The following ANAPC1 variants were observed in gnomAD, a reference collection of about 807,000 sequenced individuals.
ANAPC1 encodes the protein anaphase promoting complex subunit 1.
A neutral mutation model predicts 208.0 loss-of-function variants in ANAPC1; 36 were observed. That is an observed-to-expected ratio of 0.17 (90% CI 0.13 to 0.23). The LOEUF (loss-of-function observed/expected upper bound fraction) is 0.23. Ranked by LOEUF, ANAPC1 falls within the 10% of genes least tolerant of loss-of-function variation. The pLI, the probability that ANAPC1 is intolerant of heterozygous loss-of-function variation, is 1.00. For synonymous variants in ANAPC1, 378 were observed against 695.2 expected (o/e 0.54, Z 7.18); for missense variants, 942 against 2,011.6 (o/e 0.47, Z 10.17).
At chr2:111,866,756 A>T (rs1682441954) in intron 7 of ANAPC1, among the ~76,000 whole-genome samples, 1 of 151,766 alleles carries the variant, frequency 6.6e-6, no homozygotes, top group Non-Finnish European at 1.5e-5. Flanking sequence ...AAACGACTAA[A>T]AACAGACTAT....
chr2:111,787,113 C>A lies in ANAPC1; in HGVS notation c.4799+1121G>T, dbSNP rs1159655724. On this transcript the variant is annotated intron_variant, in intron 39 of 47. Transcript: ENST00000341068. Reference sequence around the variant, plus strand: ...GCAGTGACCCGAGATCACGCCACTGCACTTCAGCCTGGGCGACAGAGCGAG... The same window carrying A: ...GCAGTGACCCGAGATCACGCCACTGAACTTCAGCCTGGGCGACAGAGCGAG... Among the ~76,000 whole-genome samples, 5 of 142,012 alleles carry A rather than the reference C, an allele frequency of 3.5e-5. No individual in the cohort carries two copies. The Admixed American group carries it at 3.6e-4, about 10-fold the overall frequency. 93.2% of individuals were successfully genotyped at this position (142,012 alleles called of 152,430 possible).
chr2:111,793,089 C>T (rs1677976892), intron 37 of ANAPC1, among the ~76,000 whole-genome samples: 1 of 152,060 alleles, frequency 6.6e-6, no homozygotes, highest in African/African-American at 2.4e-5. Context: ...CTGGTGTTAA[C>T]GTTTTGGCTT....
intron 3 of ANAPC1, among the ~76,000 whole-genome samples, chr2:111,878,197 T>C (rs1683113278): frequency 6.6e-6 from 1 of 152,162 alleles, no homozygotes; most frequent in Non-Finnish European, 1.5e-5. Flanking sequence ...GAATCAATTA[T>C]TGCACTGGAG....
chr2:111,840,093 A>G (rs896515932), intron 17 of ANAPC1, among the ~76,000 whole-genome samples: 6 of 152,204 alleles, frequency 3.9e-5, no homozygotes, highest in African/African-American at 1.2e-4. Flanking sequence ...TTATCTAAGG[A>G]AAAAAACAGC....
chr2:111,794,888 T>C lies in ANAPC1; in HGVS notation c.4303A>G (p.Arg1435Gly), dbSNP rs1209904828. The change falls in exon 35 of 48, where the codon AGA (arginine) becomes GGA (glycine). Residue 1435 changes from arginine (R) to glycine (G), a missense_variant. Arg to Gly is a moderately radical substitution (Grantham distance 125, BLOSUM62 -2). Transcript: ENST00000341068. Reference protein sequence around the residue: ...WVDSNVPQIIRENSISLSEIE... With the variant: ...WVDSNVPQIIGENSISLSEIE... ...TCACTGAGAGAGATACTATTTTCTC[T>C]TATAATCTGTCAATATAGAAAGCAA... 3 of 1,335,432 alleles carry C rather than the reference T, an allele frequency of 2.2e-6. No homozygotes were observed. The highest frequency in any genetic ancestry group is 2.1e-6 in the Non-Finnish European group (2 of 957,398). 82.7% of individuals were successfully genotyped at this position (1,335,432 alleles called of 1,614,324 possible).
chr2:111,837,889 A>G (rs1358284692), intron 18 of ANAPC1, among the ~76,000 whole-genome samples: 1 of 152,112 alleles, frequency 6.6e-6, no homozygotes, highest in Non-Finnish European at 1.5e-5. Flanking sequence ...GTTCGAGACC[A>G]GCCTGGCCAA....
chr2:111,875,024 G>A (rs1682949583), intron 3 of ANAPC1, among the ~76,000 whole-genome samples: 1 of 152,182 alleles, frequency 6.6e-6, no homozygotes, highest in Non-Finnish European at 1.5e-5. Context: ...CTTTTCCACA[G>A]CAGCTATGTT....
chr2:111,831,634 T>A (rs1680137329), intron 20 of ANAPC1, among the ~76,000 whole-genome samples, 200 bp from the exon 21 acceptor site: 1 of 151,586 alleles, frequency 6.6e-6, no homozygotes, highest in Non-Finnish European at 1.5e-5. Flanking sequence ...GGTCAGGAGT[T>A]AAGGACAGCC....
intron 34 of ANAPC1, among the ~76,000 whole-genome samples, chr2:111,800,239 TGA>T (rs902711977): frequency 2.7e-5 from 4 of 146,462 alleles, no homozygotes; most frequent in African/African-American, 1.0e-4. Context: ...ATTTTTCTTC[TGA>T]AAATACTGAA....
downstream of ANAPC1, chr2:111,766,896 A>G (rs1330820766): frequency 8.5e-6 from 4 of 469,132 alleles, no homozygotes; most frequent in African/African-American, 6.0e-5. Flanking sequence ...GTTACTAGAC[A>G]AAGGGTGAGA....
At chr2:111,874,757 T>C (rs1270251975) in intron 3 of ANAPC1, among the ~76,000 whole-genome samples, 1 of 152,248 alleles carries the variant, frequency 6.6e-6, no homozygotes, top group East Asian at 1.9e-4. Flanking sequence ...TGAATCCCTG[T>C]TCTCAATTCA....
chr2:111,782,617 A>T, intron 42 of ANAPC1, 110 bp from the exon 43 acceptor site: 2 of 1,147,298 alleles, frequency 1.7e-6, no homozygotes, highest in Non-Finnish European at 1.2e-6. Flanking sequence ...ACCATTTTCC[A>T]CTAAGGTAAA....
intron 34 of ANAPC1, among the ~76,000 whole-genome samples, chr2:111,795,396 T>A (rs376255473): frequency 0.012 from 1,687 of 146,490 alleles, 16 homozygotes; most frequent in Non-Finnish European, 0.018. Context: ...AAAAAAATAA[T>A]AATAATAATA....
chr2:111,826,902 G>T (rs1269407884), intron 21 of ANAPC1, among the ~76,000 whole-genome samples: 1 of 152,002 alleles, frequency 6.6e-6, no homozygotes, highest in Non-Finnish European at 1.5e-5. Context: ...CTCGTGATCC[G>T]CCCTCCTCGG....
rs757682861 is a variant in ANAPC1, at chr2:111,863,857, T to G, written c.870A>C (p.Gly290=). The G allele has an allele frequency of 6.2e-6, 10 of 1,612,728 alleles. No individual in the cohort carries two copies. The highest frequency in any genetic ancestry group is 5.9e-6 in the Non-Finnish European group (7 of 1,179,630). The stretch of plus-strand genomic sequence containing the variant: ...TGCTAGTGGCCACATTCTGTGGGGT[T>G]CCCCCCTGTTCAGAGAACTTTAAAA... ...NVVLKFSEQG[G]TPQNVATSSS... The change falls in exon 9 of 48, where the codon GGA becomes GGC. Residue 290 remains glycine (G), a synonymous_variant. Coordinates refer to ENST00000341068, the MANE Select transcript of ANAPC1 (RefSeq NM_022662.4).
At chr2:111,838,085 C>CAAAAAAAAAAAA (rs57089465) in intron 18 of ANAPC1, among the ~76,000 whole-genome samples, 20 of 103,500 alleles carry the variant, frequency 1.9e-4, no homozygotes, top group South Asian at 8.2e-4. Flanking sequence ...TACTCCGTCT[C>CAAAAAAAAAAAA]AAAAAAAAAA....
At chr2:111,863,245 A>T (rs1221792211) in intron 9 of ANAPC1, among the ~76,000 whole-genome samples, 2 of 151,982 alleles carry the variant, frequency 1.3e-5, no homozygotes, top group Non-Finnish European at 2.9e-5. Flanking sequence ...ACGGTGGCTC[A>T]CGCCTGTAAT....
At chr2:111,781,717 G>C (rs564755408) in intron 43 of ANAPC1, among the ~76,000 whole-genome samples, 10 of 152,356 alleles carry the variant, frequency 6.6e-5, no homozygotes, top group African/African-American at 2.4e-4. Flanking sequence ...GTTAAATTCA[G>C]AAGTCTTAAT....
intron 44 of ANAPC1, chr2:111,779,768 G>A (rs541395539): frequency 4.5e-3 from 752 of 166,842 alleles, no homozygotes; most frequent in African/African-American, 0.017. Context: ...GCTTCACTCC[G>A]GGAGGTCAAG....
Sources: gnomAD v4.1 joint callset for allele counts (sites outside exome capture counted in the v4.1 genomes callset) on GRCh38, gnomAD v4.1.1 for gene constraint, MANE v1.5 for transcripts, NCBI Gene and HGNC (gene_info 2026-07-23, HGNC 2026-07-21) for gene names.